Variants in EBF3 observed in about 807,000 individuals in gnomAD.
EBF3 encodes the protein EBF transcription factor 3.
EBF3 carries 18 observed loss-of-function variants against 77.1 expected under a neutral mutation model. That is an observed-to-expected ratio of 0.23 (90% CI 0.16 to 0.35). The LOEUF is 0.35. Among genes scored for constraint, EBF3 ranks in the 10% least tolerant of loss-of-function variants. The probability of loss-of-function intolerance (pLI) is 1.00; values close to 1 mark genes in which losing one functional copy is unlikely to be tolerated. For synonymous variants in EBF3, 350 were observed against 343.5 expected, an observed-to-expected ratio of 1.02 and a Z score of -0.21; for missense variants, 558 against 860.0, an observed-to-expected ratio of 0.65 and a Z score of 4.39.
intron 6 of EBF3, among the ~76,000 whole-genome samples, chr10:129,915,750 C>G (rs1855845557): frequency 6.6e-6 from 1 of 152,178 alleles, no homozygotes; most frequent in Non-Finnish European, 1.5e-5. Flanking sequence ...CTGAACACGC[C>G]CGATGCCGGC....
At chr10:129,925,506 C>A (rs1856605300) in intron 6 of EBF3, among the ~76,000 whole-genome samples, 1 of 150,868 alleles carries the variant, frequency 6.6e-6, no homozygotes, top group African/African-American at 2.4e-5. Flanking sequence ...GCAGGAGAAT[C>A]ACTTGGACCC....
chr10:129,893,998 C>T (rs1328912702), intron 6 of EBF3, among the ~76,000 whole-genome samples: 2 of 152,214 alleles, frequency 1.3e-5, no homozygotes, highest in East Asian at 1.9e-4. Flanking sequence ...CTCCCCAACT[C>T]GTGTGGCTGG....
chr10:129,867,704 CA>C (rs1852121950), intron 9 of EBF3, 77 bp downstream of exon 9: 1 of 1,585,548 alleles, frequency 6.3e-7, no homozygotes, highest in Admixed American at 1.7e-5. Context: ...CACCTTGTGT[CA>C]ATACACTATT....
At chr10:129,886,785 A>G (rs1292443091) in intron 6 of EBF3, among the ~76,000 whole-genome samples, 1 of 151,990 alleles carries the variant, frequency 6.6e-6, no homozygotes, top group Non-Finnish European at 1.5e-5. Context: ...CCATCCTACC[A>G]GTGCCTAATT....
At chr10:129,930,000 C>G (rs753350208) in intron 6 of EBF3, among the ~76,000 whole-genome samples, 2 of 152,038 alleles carry the variant, frequency 1.3e-5, no homozygotes, top group Non-Finnish European at 2.9e-5. Flanking sequence ...GTTAGGGGCC[C>G]GGAGAGAACA....
chr10:129,889,828 C>T (rs1453139902), intron 6 of EBF3, among the ~76,000 whole-genome samples: 2 of 147,598 alleles, frequency 1.4e-5, no homozygotes, highest in Admixed American at 1.3e-4. Context: ...AAATGCAAAC[C>T]GTAGAGGCTC....
Position 129,963,232 on chromosome 10 carries a change from C to T in EBF3, c.291+135G>A. The T allele has an allele frequency of 7.6e-7, 1 of 1,318,774 alleles. No homozygotes were observed. The highest frequency in any genetic ancestry group is 2.9e-5 in the East Asian group (1 of 34,322). The allele number at this position is 1,318,774 out of a possible 1,614,324, so 81.7% of individuals were successfully genotyped here. A position where few individuals can be genotyped will look rare whatever the true frequency, so the allele number is the denominator to read the frequency against. On this transcript the variant is annotated intron_variant, in intron 2 of 16. Coordinates refer to ENST00000440978, the MANE Select transcript of EBF3 (RefSeq NM_001375380.1). The surrounding 1 kb of genome is among the most constrained non-coding windows in gnomAD (Gnocchi z 7.1). ...CCAGCCCTCGGCGGTCCCGGGCGGC[C>T]GCACGTGGCGGCGGCGGGGTGGCCT...
chr10:129,876,114 G>A (rs555680684), intron 7 of EBF3, among the ~76,000 whole-genome samples: 6 of 152,202 alleles, frequency 3.9e-5, no homozygotes, highest in African/African-American at 1.4e-4. Flanking sequence ...GTTCAGCAGA[G>A]AGAGCAGGCA....
chr10:129,930,472 T>C (rs1375830938), intron 6 of EBF3, among the ~76,000 whole-genome samples: 3 of 146,404 alleles, frequency 2.0e-5, no homozygotes, highest in South Asian at 4.4e-4. Context: ...TCTATCTCTA[T>C]ATTAACAAAT....
At position 129,841,925 on chromosome 10, in the gene EBF3, G is replaced by A. The variant is rs1038556475; in HGVS notation, c.1372+191C>T. ...TTTTTAGTAACTGGGCTCTCTGAGT[G>A]TTCTTACCCCAGCACTGGCTGGGAG... On this transcript the variant is annotated intron_variant, in intron 13 of 16. Coordinates refer to ENST00000440978, the MANE Select transcript of EBF3 (RefSeq NM_001375380.1). The surrounding 1 kb of genome is among the most constrained non-coding windows in gnomAD (Gnocchi z 4.6). 6.6e-6 allele frequency among the ~76,000 whole-genome samples: 1 copy of A among 152,192 alleles called. No homozygotes were observed. The highest frequency in any genetic ancestry group is 2.1e-4 in the South Asian group (1 of 4,830).
rs761181263 is a variant in EBF3, at chr10:129,963,550, G to A, written c.135-27C>T. 4.9e-6 allele frequency: 7 copies of A among 1,437,556 alleles called. No individual in the cohort carries two copies. Among genetic ancestry groups the A allele is most frequent in the South Asian group, 4.1e-5 (3 of 73,242 alleles). The allele number at this position is 1,437,556 out of a possible 1,614,324, so 89.1% of individuals were successfully genotyped here. ...TGCGGGAGGAAAGAGACAGCGGCCC[G>A]GTGAGGAGCGCGGCGCCGGCCGGCG... On this transcript the variant is annotated intron_variant, in intron 1 of 16. Transcript: ENST00000440978. The surrounding 1 kb of genome is among the most constrained non-coding windows in gnomAD (Gnocchi z 7.1).
intron 6 of EBF3, among the ~76,000 whole-genome samples, chr10:129,928,950 A>G (rs1411085716): frequency 6.6e-6 from 1 of 152,190 alleles, no homozygotes; most frequent in Non-Finnish European, 1.5e-5. Flanking sequence ...ATTTTGTCAC[A>G]TTTGTGGCAA....
At position 129,944,722 on chromosome 10, in the gene EBF3, C is replaced by A. The variant is rs1174537681; in HGVS notation, c.554+12536G>T. Among the ~76,000 whole-genome samples the A allele has an allele frequency of 6.6e-6, 1 of 151,886 alleles. No individual in the cohort carries two copies. The highest frequency in any genetic ancestry group is 6.6e-5 in the Admixed American group (1 of 15,246). On this transcript the variant is annotated intron_variant, in intron 6 of 16. Transcript: ENST00000440978. The surrounding 1 kb of genome is among the most constrained non-coding windows in gnomAD (Gnocchi z 5.1). ...TATGCCCCATGAATCTCATTTTATG[C>A]GATTAAGATCCATAAAAATTCAATA...
rs1299666030 is a variant in EBF3 at position 129,840,292 on chromosome 10, G to A, written c.1712C>T (p.Ala571Val). The A allele has an allele frequency of 1.9e-6, 3 of 1,595,818 alleles. No individual in the cohort carries two copies. Among genetic ancestry groups the A allele is most frequent in the East Asian group, 2.3e-5 (1 of 44,178 alleles). Reference protein sequence around the residue: ...SAFAPVVRPQASPPPSCTSAN... With the variant: ...SAFAPVVRPQVSPPPSCTSAN... ...GCTGGTGCAGGAAGGAGGAGGAGAG[G>A]CTTGGGGCCGGACCACGGGCGCGAA... The change falls in exon 15 of 17, where the codon GCC becomes GTC. Residue 571 changes from alanine to valine, a missense_variant. Physicochemically the swap from Ala to Val is moderately conservative, Grantham distance 64. Around this residue, in one of 5 missense-constraint regions of EBF3, gnomAD observed 284 missense variants for 368.3 expected, o/e 0.77. Coordinates refer to ENST00000440978, the MANE Select transcript of EBF3 (RefSeq NM_001375380.1).
chr10:129,929,862 C>T (rs1856891758), intron 6 of EBF3, among the ~76,000 whole-genome samples: 1 of 152,172 alleles, frequency 6.6e-6, no homozygotes, highest in South Asian at 2.1e-4. Context: ...TTAAGGAATA[C>T]TTAGAGAACT....
chr10:129,939,839 C>T (rs1437487055), intron 6 of EBF3, among the ~76,000 whole-genome samples: 1 of 152,218 alleles, frequency 6.6e-6, no homozygotes, highest in Non-Finnish European at 1.5e-5. Context: ...ACCGACCTTA[C>T]GGTTGCACTT....
intron 6 of EBF3, among the ~76,000 whole-genome samples, chr10:129,919,977 G>A (rs1856158596): frequency 6.7e-6 from 1 of 148,420 alleles, no homozygotes; most frequent in South Asian, 2.1e-4. Flanking sequence ...GCAGTCTAGG[G>A]CGAGTATCTC....
intron 8 of EBF3, among the ~76,000 whole-genome samples, chr10:129,871,627 G>A (rs772881686): frequency 2.0e-4 from 31 of 152,116 alleles, no homozygotes; most frequent in Admixed American, 1.6e-3. Context: ...ACAAATATGC[G>A]CAGACTTAAA....
intron 6 of EBF3, among the ~76,000 whole-genome samples, chr10:129,925,419 C>T (rs936175763): frequency 5.3e-5 from 8 of 151,608 alleles, no homozygotes; most frequent in African/African-American, 1.2e-4. Context: ...GTGAGACCCC[C>T]GTTTCTACTA....
Sources: gnomAD v4.1 joint callset for allele counts (sites outside exome capture counted in the v4.1 genomes callset) on GRCh38, gnomAD v4.1.1 for gene constraint, gnomAD v4.1.1 regional missense constraint, Gnocchi (gnomAD v3.1) non-coding constraint, MANE v1.5 for transcripts, NCBI Gene and HGNC (gene_info 2026-07-23, HGNC 2026-07-21) for gene names.